ZNF366: variants seen among roughly 807,000 people sequenced by gnomAD.
ZNF366 encodes dendritic cell-specific transcript protein.
In ZNF366, 20 loss-of-function variants were observed where a neutral mutation model predicts 47.2. The ratio of observed to expected loss-of-function variants is 0.42; its 90% CI spans 0.30 to 0.62. The LOEUF (loss-of-function observed/expected upper bound fraction) is 0.62. Ranked by LOEUF, ZNF366 falls within the 20% of genes least tolerant of loss-of-function variation. The probability of loss-of-function intolerance (pLI) is 0.16; values close to 1 mark genes in which losing one functional copy is unlikely to be tolerated. For synonymous variants in ZNF366, 421 were observed against 395.1 expected (o/e 1.07, Z -0.78); for missense variants, 987 against 976.3 (o/e 1.01, Z -0.15).
At chr5:72,485,738 T>C (rs574427661) in intron 1 of ZNF366, among the ~76,000 whole-genome samples, 37 of 152,314 alleles carry the variant, frequency 2.4e-4, no homozygotes, top group African/African-American at 8.2e-4. Flanking sequence ...AAAGCCACAG[T>C]CCGCGCCGTG....
intron 1 of ZNF366, among the ~76,000 whole-genome samples, chr5:72,471,885 T>C (rs1449217520): frequency 6.6e-6 from 1 of 152,172 alleles, no homozygotes; most frequent in Non-Finnish European, 1.5e-5. Flanking sequence ...GGGGTCTCAC[T>C]TTGTTGCCCA....
intron 1 of ZNF366, among the ~76,000 whole-genome samples, chr5:72,501,093 C>A (rs965187222): frequency 1.2e-4 from 19 of 152,272 alleles, no homozygotes; most frequent in African/African-American, 4.6e-4. Flanking sequence ...GAATAAGGCA[C>A]GTACTTGAGA....
chr5:72,454,463 C>T (rs1441638773), intron 3 of ZNF366, among the ~76,000 whole-genome samples: 1 of 152,256 alleles, frequency 6.6e-6, no homozygotes, highest in Non-Finnish European at 1.5e-5. Context: ...ACAACCTACA[C>T]TGGCTTTGCC....
chr5:72,443,732 A>C lies in ZNF366; in HGVS notation c.*24T>G. 3 of 1,589,302 alleles carry C rather than the reference A, an allele frequency of 1.9e-6. No individual in the cohort carries two copies. The East Asian group carries it at 6.7e-5, about 36-fold the overall frequency. On this transcript the variant is annotated 3_prime_UTR_variant, in exon 5 of 5. Coordinates refer to ENST00000318442, the MANE Select transcript of ZNF366 (RefSeq NM_152625.3). ...TTGAACTGCCTCCTTCTCATTTTCC[A>C]AATGTAATTTTAAAACTGTCCACTT...
intron 3 of ZNF366, among the ~76,000 whole-genome samples, chr5:72,454,972 TC>T (rs147236575): frequency 0.22 from 33,240 of 152,202 alleles, 3,854 homozygotes; most frequent in Non-Finnish European, 0.26. Context: ...ATGCTCTGCT[TC>T]CATCATCTTT....
At chr5:72,463,699 C>T (rs1055884422) in intron 1 of ZNF366, among the ~76,000 whole-genome samples, 2 of 152,232 alleles carry the variant, frequency 1.3e-5, no homozygotes, top group Middle Eastern at 3.4e-3. Flanking sequence ...AGTCGTGCTG[C>T]GCTATCAGAA....
chr5:72,496,113 A>G (rs1744106849), intron 1 of ZNF366, among the ~76,000 whole-genome samples: 1 of 152,092 alleles, frequency 6.6e-6, no homozygotes, highest in Non-Finnish European at 1.5e-5. Context: ...CAAGTTAAAC[A>G]GCTTTATTGA....
chr5:72,494,068 G>C (rs1443857496), intron 1 of ZNF366, among the ~76,000 whole-genome samples: 1 of 151,814 alleles, frequency 6.6e-6, no homozygotes, highest in East Asian at 1.9e-4. Context: ...CCTACACCCA[G>C]CCTTAAAATT....
intron 1 of ZNF366, among the ~76,000 whole-genome samples, chr5:72,495,927 T>C (rs1561205344): frequency 6.6e-6 from 1 of 152,186 alleles, no homozygotes; most frequent in Non-Finnish European, 1.5e-5. Flanking sequence ...GCAAATTCTA[T>C]TAGCCAGTCT....
At chr5:72,504,400 A>G (rs549442672) in intron 1 of ZNF366, among the ~76,000 whole-genome samples, 1 of 152,274 alleles carries the variant, frequency 6.6e-6, no homozygotes, top group South Asian at 2.1e-4. Flanking sequence ...CCACAATATA[A>G]CTGAACTCTC....
chr5:72,462,984 G>C (rs1010856243), intron 1 of ZNF366, among the ~76,000 whole-genome samples: 2 of 152,218 alleles, frequency 1.3e-5, no homozygotes. Context: ...CTCATCAGAT[G>C]CTCCCATGGA....
chr5:72,457,079 T>G (rs1312511951), intron 2 of ZNF366, among the ~76,000 whole-genome samples: 1 of 152,214 alleles, frequency 6.6e-6, no homozygotes, highest in Non-Finnish European at 1.5e-5. Context: ...ATATCCACAC[T>G]GCAGTAAATT....
At chr5:72,448,123 A>G (rs1355777450) in intron 3 of ZNF366, among the ~76,000 whole-genome samples, 1 of 152,160 alleles carries the variant, frequency 6.6e-6, no homozygotes, top group African/African-American at 2.4e-5. Flanking sequence ...TGTATCAGAC[A>G]ATGCTTTTTA....
intron 1 of ZNF366, among the ~76,000 whole-genome samples, chr5:72,489,730 C>T (rs1342907928): frequency 6.6e-6 from 1 of 152,176 alleles, no homozygotes; most frequent in African/African-American, 2.4e-5. Context: ...AATGGGAGAG[C>T]CCCTGAATGG....
chr5:72,460,074 G>A (rs1371157611), intron 2 of ZNF366, 91 bp downstream of exon 2: 4 of 1,500,628 alleles, frequency 2.7e-6, no homozygotes, highest in African/African-American at 1.4e-5. Context: ...AAGGTGCAGA[G>A]CGGCACAGGC....
intron 2 of ZNF366, among the ~76,000 whole-genome samples, chr5:72,459,515 C>G (rs1389780271): frequency 2.0e-5 from 3 of 152,130 alleles, no homozygotes; most frequent in Non-Finnish European, 4.4e-5. Flanking sequence ...GACCTGAGCA[C>G]AGAGAAGATC....
chr5:72,448,209 T>C lies in ZNF366; in HGVS notation c.1525-792A>G, dbSNP rs376984023. ...AAAAATCATCTAAGGAAGGAGTGTG[T>C]CTTTTCTCTGGGTAGAAATTTGAAG... is the stretch of plus-strand genomic sequence containing the variant. On this transcript the variant is annotated intron_variant, in intron 3 of 4. Coordinates refer to ENST00000318442, the MANE Select transcript of ZNF366 (RefSeq NM_152625.3). 1.8e-4 allele frequency among the ~76,000 whole-genome samples: 27 copies of C among 152,246 alleles called. No individual in the cohort carries two copies. In the East Asian group the frequency reaches 2.3e-3, roughly 13 times the overall value.
At position 72,442,110 on chromosome 5, in the gene ZNF366, A is replaced by C. The variant is rs1371809350; in HGVS notation, c.*1646T>G. On this transcript the variant is annotated 3_prime_UTR_variant, in exon 5 of 5. Transcript: ENST00000318442. ...CATCATCTTCTAGTATAATGTAAAA[A>C]GTGTGTATCTATATATAGACTGTGT... 1 of 152,226 alleles carries C rather than the reference A, an allele frequency of 6.6e-6. No individual in the cohort carries two copies. The highest frequency in any genetic ancestry group is 1.9e-4 in the East Asian group (1 of 5,196). 9.4% of individuals were successfully genotyped at this position (152,226 alleles called of 1,614,324 possible). A position where few individuals can be genotyped will look rare whatever the true frequency, so the allele number is the denominator to read the frequency against.
intron 1 of ZNF366, among the ~76,000 whole-genome samples, chr5:72,465,803 G>A (rs1403644804): frequency 2.6e-5 from 4 of 152,242 alleles, no homozygotes; most frequent in East Asian, 3.8e-4. Flanking sequence ...TGGAAAGAGC[G>A]TTGGTTTGGA....
Sources: gnomAD v4.1 joint callset for allele counts (sites outside exome capture counted in the v4.1 genomes callset) on GRCh38, gnomAD v4.1.1 for gene constraint, MANE v1.5 for transcripts, NCBI Gene and HGNC (gene_info 2026-07-23, HGNC 2026-07-21) for gene names.